Variants in GPHN observed in about 807,000 individuals in gnomAD.
The protein encoded by GPHN is gephyrin.
In GPHN, 17 loss-of-function variants were observed where a neutral mutation model predicts 95.5. The observed-to-expected ratio is 0.18, with a 90% confidence interval of 0.12 to 0.27. GPHN has a LOEUF of 0.27. Among genes scored for constraint, GPHN ranks in the 10% least tolerant of loss-of-function variants. The pLI is 1.00. For synonymous variants in GPHN, 320 were observed against 322.5 expected, an observed-to-expected ratio of 0.99 and a Z score of 0.08; for missense variants, 660 against 978.1, an observed-to-expected ratio of 0.67 and a Z score of 4.34.
At chr14:67,231,771 A>G in the GPHN span, among the ~76,000 whole-genome samples, 4 of 152,126 alleles carry the variant, frequency 2.6e-5, no homozygotes, top group Non-Finnish European at 5.9e-5. Flanking sequence ...GTTAGAGACC[A>G]GCCTGGCCAA....
At chr14:67,573,933 G>A in the GPHN span, 3,175 of 1,401,534 alleles carry the variant, frequency 2.3e-3, 60 homozygotes, top group African/African-American at 0.038. The surrounding 1 kb of genome is among the most constrained non-coding windows in gnomAD (Gnocchi z 4.8). Context: ...AAGAGGTGCT[G>A]GGTTTGGATA....
the GPHN span, chr14:67,729,151 A>G: frequency 1.5e-5 from 24 of 1,601,586 alleles, no homozygotes; most frequent in Non-Finnish European, 2.1e-5. Context: ...TCCTGGGCTC[A>G]GAGTGTGTCC....
At chr14:67,627,256 G>GAT in the GPHN span, among the ~76,000 whole-genome samples, 64,758 of 133,394 alleles carry the variant, frequency 0.49, 16,680 homozygotes, top group Non-Finnish European at 0.57. Flanking sequence ...TCAGTAAGGA[G>GAT]ATATATATAT....
the GPHN span, chr14:67,364,745 A>T: frequency 6.2e-7 from 1 of 1,600,306 alleles, no homozygotes; most frequent in Non-Finnish European, 8.5e-7. Context: ...ATACTTACTT[A>T]ATTCTTTTGT....
chr14:67,040,851 T>C (rs2074665046), intron 10 of GPHN, among the ~76,000 whole-genome samples: 1 of 152,210 alleles, frequency 6.6e-6, no homozygotes, highest in African/African-American at 2.4e-5. Context: ...ATCCTATTAC[T>C]GGTGATATTA....
chr14:67,225,223 A>G, the GPHN span: 1 of 1,529,584 alleles, frequency 6.5e-7, no homozygotes, highest in Admixed American at 2.4e-5. Context: ...AGTAAAACAG[A>G]AAAAGACAAA....
chr14:66,550,545 A>T (rs1429863820), intron 1 of GPHN, among the ~76,000 whole-genome samples: 1 of 152,252 alleles, frequency 6.6e-6, no homozygotes, highest in Non-Finnish European at 1.5e-5. Context: ...AACTTAGTTG[A>T]TAAAGCAGTA....
chr14:67,186,720 G>A (rs998789671), downstream of GPHN, among the ~76,000 whole-genome samples: 8 of 152,228 alleles, frequency 5.3e-5, no homozygotes, highest in African/African-American at 1.9e-4. Flanking sequence ...GTCAACTAGA[G>A]GGAACACAAG....
At chr14:66,624,716 T>C (rs942634431) in intron 1 of GPHN, among the ~76,000 whole-genome samples, 2 of 152,182 alleles carry the variant, frequency 1.3e-5, no homozygotes, top group African/African-American at 4.8e-5. Context: ...TTTAAAGCAT[T>C]GGGGGAAAAA....
chr14:66,569,730 C>T (rs370667501), intron 1 of GPHN, among the ~76,000 whole-genome samples: 2 of 150,448 alleles, frequency 1.3e-5, no homozygotes, highest in Non-Finnish European at 1.5e-5. Flanking sequence ...TGTTTTGTTA[C>T]ATATATATAT....
At chr14:67,282,176 T>C in the GPHN span, among the ~76,000 whole-genome samples, 1 of 152,184 alleles carries the variant, frequency 6.6e-6, no homozygotes, top group Admixed American at 6.5e-5. Context: ...TTGTTTAAAG[T>C]GAAGTGTAAT....
chr14:66,775,606 A>C (rs934317233), intron 2 of GPHN, among the ~76,000 whole-genome samples: 1 of 152,194 alleles, frequency 6.6e-6, no homozygotes, highest in African/African-American at 2.4e-5. Context: ...TGTACATCTC[A>C]ACTCATTCAT....
At chr14:67,633,117 G>A in the GPHN span, among the ~76,000 whole-genome samples, 1 of 152,126 alleles carries the variant, frequency 6.6e-6, no homozygotes, top group Non-Finnish European at 1.5e-5. Flanking sequence ...ACTGCGCCCG[G>A]CCAAGCCTCT....
At chr14:67,272,809 C>T in the GPHN span, among the ~76,000 whole-genome samples, 1 of 152,118 alleles carries the variant, frequency 6.6e-6, no homozygotes, top group Non-Finnish European at 1.5e-5. Flanking sequence ...CAGGCACAAG[C>T]CACCATGGCT....
At chr14:67,082,714 G>A (rs1041716558) in intron 11 of GPHN, among the ~76,000 whole-genome samples, 7 of 151,920 alleles carry the variant, frequency 4.6e-5, no homozygotes, top group Non-Finnish European at 7.4e-5. Context: ...AGATTGCTTT[G>A]GGTAGTATGA....
intron 5 of GPHN, among the ~76,000 whole-genome samples, chr14:66,890,115 A>G (rs2064397041): frequency 6.6e-6 from 1 of 152,202 alleles, no homozygotes; most frequent in Admixed American, 6.5e-5. Context: ...ATGACTCAGA[A>G]ATTAACAACC....
intron 10 of GPHN, among the ~76,000 whole-genome samples, chr14:67,028,919 T>A (rs868658205): frequency 2.6e-5 from 4 of 152,214 alleles, no homozygotes; most frequent in Non-Finnish European, 4.4e-5. Flanking sequence ...TTTGAAGTCT[T>A]AGCCAAAAAA....
chr14:67,302,356 T>A, the GPHN span: 5 of 1,257,404 alleles, frequency 4.0e-6, no homozygotes, highest in South Asian at 8.7e-5. Context: ...AAATAAATGC[T>A]TAACAAAAAT....
the GPHN span, chr14:67,382,311 A>T: frequency 1.5e-6 from 1 of 685,116 alleles, no homozygotes; most frequent in Non-Finnish European, 2.3e-6. Flanking sequence ...AGGACCCTAA[A>T]TTACTGTCCT....
Sources: allele counts gnomAD v4.1 joint callset (sites outside exome capture counted in the v4.1 genomes callset), GRCh38; gene constraint gnomAD v4.1.1; non-coding constraint Gnocchi (gnomAD v3.1); transcripts MANE v1.5; gene names NCBI Gene and HGNC (gene_info 2026-07-23, HGNC 2026-07-21).